The following CDH13 variants were observed in gnomAD, a reference collection of about 807,000 sequenced individuals.
CDH13 encodes cadherin 13.
A neutral mutation model predicts 63.8 loss-of-function variants in CDH13; 24 were observed. That is an observed-to-expected ratio of 0.38 (90% CI 0.27 to 0.53). The LOEUF is 0.53. CDH13 is among the 20% of genes least tolerant of loss of function. The pLI, the probability that CDH13 is intolerant of heterozygous loss-of-function variation, is 0.85. For missense variants in CDH13, 1,049 were observed against 903.1 expected, an observed-to-expected ratio of 1.16 and a Z score of -2.07; for synonymous variants, 503 against 355.3, an observed-to-expected ratio of 1.42 and a Z score of -4.67.
chr16:83,234,499 C>G (rs1206561535), intron 5 of CDH13, among the ~76,000 whole-genome samples: 1 of 152,114 alleles, frequency 6.6e-6, no homozygotes, highest in Non-Finnish European at 1.5e-5. Flanking sequence ...TGAGGTTGGA[C>G]CTAGGCAGCT....
chr16:82,976,953 G>T (rs1909600100), intron 2 of CDH13, among the ~76,000 whole-genome samples: 1 of 152,054 alleles, frequency 6.6e-6, no homozygotes, highest in African/African-American at 2.4e-5. Context: ...TGGAACTCTT[G>T]GTCCATCAGT....
chr16:82,715,767 G>C (rs138343281), intron 1 of CDH13, among the ~76,000 whole-genome samples: 33 of 152,218 alleles, frequency 2.2e-4, no homozygotes, highest in Non-Finnish European at 3.7e-4. Context: ...ACGAAGCAGC[G>C]ATGATGGGGT....
chr16:83,305,858 A>G (rs1296175068), intron 5 of CDH13, among the ~76,000 whole-genome samples: 1 of 152,224 alleles, frequency 6.6e-6, no homozygotes, highest in African/African-American at 2.4e-5. Context: ...TGTCGCAATT[A>G]TTGACCTCCT....
intron 7 of CDH13, among the ~76,000 whole-genome samples, chr16:83,535,653 G>A (rs1295714563): frequency 6.6e-6 from 1 of 152,156 alleles, no homozygotes; most frequent in African/African-American, 2.4e-5. Flanking sequence ...AGCCAACTGT[G>A]CAGTCCTGGA....
intron 7 of CDH13, among the ~76,000 whole-genome samples, chr16:83,504,385 A>C (rs1325842375): frequency 1.3e-5 from 2 of 152,180 alleles, no homozygotes; most frequent in African/African-American, 4.8e-5. Context: ...GTATTTCTTC[A>C]GCTCAGAACA....
intron 5 of CDH13, among the ~76,000 whole-genome samples, chr16:83,279,482 T>C (rs1004697093): frequency 1.3e-5 from 2 of 152,196 alleles, no homozygotes; most frequent in African/African-American, 4.8e-5. Context: ...ATTAAAATCA[T>C]TCAAACGCTG....
In CDH13 at chr16:82,645,434, G is replaced by A. The variant is rs1469281105; in HGVS notation, c.45+18297G>A. On this transcript the variant is annotated intron_variant, in intron 1 of 13. Transcript: ENST00000567109. ...CAACTGTTGGGGTGAGGGGGGTTGT[G>A]ACCCTCGGGACAGTTTGCAATATCT... is the stretch of plus-strand genomic sequence containing the variant. 3.3e-5 allele frequency among the ~76,000 whole-genome samples: 5 copies of A among 152,234 alleles called. No individual in the cohort carries two copies. The South Asian group carries it at 6.2e-4, about 19-fold the overall frequency.
chr16:83,508,069 A>AAGGAAGGAAGGAAGGAAGGAAGGAAGGG, intron 7 of CDH13, among the ~76,000 whole-genome samples: 1 of 55,658 alleles, frequency 1.8e-5, no homozygotes, highest in Admixed American at 1.8e-4. Context: ...GGAAGGAAGG[A>AAGGAAGGAAGGAAGGAAGGAAGGAAGGG]AGGAAGGAAG....
chr16:83,260,664 G>T (rs1906878858), intron 5 of CDH13, among the ~76,000 whole-genome samples: 1 of 152,182 alleles, frequency 6.6e-6, no homozygotes, highest in South Asian at 2.1e-4. Flanking sequence ...AGCAAAGGAA[G>T]AGAAAAATGC....
At chr16:83,158,270 C>T (rs915905748) in intron 4 of CDH13, among the ~76,000 whole-genome samples, 3 of 152,196 alleles carry the variant, frequency 2.0e-5, no homozygotes, top group African/African-American at 7.2e-5. Context: ...TCTCCTTCAA[C>T]AAGATTGTTT....
At position 82,925,634 on chromosome 16, in the gene CDH13, C is replaced by G. The variant is rs1053160163; in HGVS notation, c.157+67161C>G. The stretch of plus-strand genomic sequence containing the variant: ...GGGTATGGCATGGCCAACCTGAACA[C>G]TGCCTACCAACATGTAGACATGATA... On this transcript the variant is annotated intron_variant, in intron 2 of 13. Transcript: ENST00000567109. Among the ~76,000 whole-genome samples, 4 of 152,302 alleles carry G rather than the reference C, an allele frequency of 2.6e-5. No homozygotes were observed. In the East Asian group the frequency reaches 7.7e-4, roughly 30 times the overall value.
At position 83,099,146 on chromosome 16, in the gene CDH13, T is replaced by C. The variant is rs544234192; in HGVS notation, c.367-26239T>C. On this transcript the variant is annotated intron_variant, in intron 3 of 13. Transcript: ENST00000567109. The stretch of plus-strand genomic sequence containing the variant: ...GATCTAACTTCTAAGATATATAAGA[T>C]CCTATTCTAACATATTTAATATGTT... Among the ~76,000 whole-genome samples, 5 of 152,244 alleles carry C rather than the reference T, an allele frequency of 3.3e-5. No homozygotes were observed. The South Asian group carries it at 1.0e-3, about 32-fold the overall frequency.
intron 1 of CDH13, among the ~76,000 whole-genome samples, chr16:82,822,108 T>A (rs1458922690): frequency 1.3e-5 from 2 of 152,110 alleles, no homozygotes; most frequent in Non-Finnish European, 2.9e-5. Flanking sequence ...GACATTTGCC[T>A]CACCCCACTG....
chr16:82,636,165 T>C (rs1908629966), intron 1 of CDH13, among the ~76,000 whole-genome samples: 1 of 152,120 alleles, frequency 6.6e-6, no homozygotes, highest in Non-Finnish European at 1.5e-5. Context: ...GGTATGGAGA[T>C]GGCAGGGCCA....
intron 1 of CDH13, among the ~76,000 whole-genome samples, chr16:82,641,250 T>G (rs994027211): frequency 6.6e-6 from 1 of 152,188 alleles, no homozygotes; most frequent in Non-Finnish European, 1.5e-5. Flanking sequence ...TTCTCTGTGC[T>G]TCCCTGCTGA....
chr16:83,058,557 C>G (rs919303614), intron 3 of CDH13, among the ~76,000 whole-genome samples: 1 of 152,202 alleles, frequency 6.6e-6, no homozygotes, highest in Non-Finnish European at 1.5e-5. Flanking sequence ...GATGGCATAG[C>G]TGGTGAGGGC....
chr16:83,643,885 C>A (rs1911543802), intron 8 of CDH13, among the ~76,000 whole-genome samples: 1 of 152,224 alleles, frequency 6.6e-6, no homozygotes, highest in African/African-American at 2.4e-5. Flanking sequence ...GCCACCTACC[C>A]ACGCTTTACG....
chr16:82,846,382 A>G (rs1426185580), intron 1 of CDH13, among the ~76,000 whole-genome samples: 1 of 152,054 alleles, frequency 6.6e-6, no homozygotes, highest in African/African-American at 2.4e-5. Flanking sequence ...TCAGCTATCA[A>G]TATAAATAAT....
At chr16:83,179,481 TAAAAAAAAA>T (rs565547312) in intron 4 of CDH13, among the ~76,000 whole-genome samples, 1 of 69,096 alleles carries the variant, frequency 1.4e-5, no homozygotes, top group Non-Finnish European at 2.8e-5. Flanking sequence ...CCGTCTCTAC[TAAAAAAAAA>T]AAAAAAAAAA....
Sources: allele counts gnomAD v4.1 joint callset (sites outside exome capture counted in the v4.1 genomes callset), GRCh38; gene constraint gnomAD v4.1.1; transcripts MANE v1.5; gene names NCBI Gene and HGNC (gene_info 2026-07-23, HGNC 2026-07-21).